Variants in LRP1B observed in about 807,000 individuals in gnomAD.
LRP1B encodes the protein low-density lipoprotein receptor-related protein 1B.
LRP1B carries 217 observed loss-of-function variants against 556.6 expected under a neutral mutation model. That is an observed-to-expected ratio of 0.39 (90% CI 0.35 to 0.44). LRP1B has a LOEUF of 0.44. Among genes scored for constraint, LRP1B ranks in the 20% least tolerant of loss-of-function variants. LRP1B has a pLI of 1.00. For synonymous variants in LRP1B, 2,047 were observed against 1,865.8 expected, an observed-to-expected ratio of 1.10 and a Z score of -2.50; for missense variants, 5,053 against 5,620.8, an observed-to-expected ratio of 0.90 and a Z score of 3.23.
chr2:141,463,985 C>T (rs1559084384), intron 3 of LRP1B, among the ~76,000 whole-genome samples: 1 of 151,576 alleles, frequency 6.6e-6, no homozygotes, highest in Non-Finnish European at 1.5e-5. Context: ...GCAGATATTG[C>T]TAACGGCAGT....
chr2:141,937,404 A>T lies in LRP1B; in HGVS notation c.83-127003T>A, dbSNP rs1436216595. Among the ~76,000 whole-genome samples, 3 of 150,914 alleles carry T rather than the reference A, an allele frequency of 2.0e-5. No individual in the cohort carries two copies. In the East Asian group the frequency reaches 5.8e-4, roughly 29 times the overall value. ...CATCTCAAAAAATAATAATAATAAT[A>T]AAATAAAAAATAAAAATATAACATG... is the stretch of plus-strand genomic sequence containing the variant. On this transcript the variant is annotated intron_variant, in intron 1 of 90. Coordinates refer to ENST00000389484, the MANE Select transcript of LRP1B (RefSeq NM_018557.3).
At chr2:140,802,284 A>G (rs1690542278) in intron 32 of LRP1B, among the ~76,000 whole-genome samples, 1 of 152,306 alleles carries the variant, frequency 6.6e-6, no homozygotes, top group Middle Eastern at 3.4e-3. Flanking sequence ...CAAGGATGAT[A>G]AATATCTTAC....
At chr2:142,065,166 A>G (rs371921001) in intron 1 of LRP1B, among the ~76,000 whole-genome samples, 1 of 151,554 alleles carries the variant, frequency 6.6e-6, no homozygotes, top group Non-Finnish European at 1.5e-5. Context: ...GTATCGAATT[A>G]GTTTCTTACC....
At chr2:140,505,103 T>C (rs991781798) in intron 53 of LRP1B, among the ~76,000 whole-genome samples, 2 of 152,232 alleles carry the variant, frequency 1.3e-5, no homozygotes, top group Non-Finnish European at 2.9e-5. Flanking sequence ...CTCGACCATC[T>C]CAATTTACAG....
intron 2 of LRP1B, among the ~76,000 whole-genome samples, chr2:141,486,368 T>C (rs550545695): frequency 6.6e-6 from 1 of 152,304 alleles, no homozygotes; most frequent in Non-Finnish European, 1.5e-5. Flanking sequence ...TCTGAATGTT[T>C]AAATTATTTT....
chr2:141,236,899 G>T (rs1165326892), intron 5 of LRP1B, among the ~76,000 whole-genome samples: 1 of 152,064 alleles, frequency 6.6e-6, no homozygotes, highest in Non-Finnish European at 1.5e-5. Flanking sequence ...CCTCTTCTAT[G>T]GTCCTCCAAA....
At position 140,813,832 on chromosome 2, in the gene LRP1B, C is replaced by T. The variant is rs185831254; in HGVS notation, c.5210-26G>A. Reference sequence around the variant, plus strand: ...CTGTAATTAAATTTTACAACTTAAACATAATGATAGCCACTTAAATTGTAA... The same window carrying T: ...CTGTAATTAAATTTTACAACTTAAATATAATGATAGCCACTTAAATTGTAA... On this transcript the variant is annotated intron_variant, in intron 31 of 90. Coordinates refer to ENST00000389484, the MANE Select transcript of LRP1B (RefSeq NM_018557.3). 3.8e-3 allele frequency: 5,897 copies of T among 1,543,412 alleles called. 15 individuals carry two copies. The highest frequency in any genetic ancestry group is 4.7e-3 in the Non-Finnish European group (5,342 of 1,125,126).
At chr2:141,174,548 T>A (rs887634284) in intron 7 of LRP1B, among the ~76,000 whole-genome samples, 1 of 152,126 alleles carries the variant, frequency 6.6e-6, no homozygotes, top group African/African-American at 2.4e-5. Context: ...AGGTTCTTGC[T>A]TTCTCTTCAC....
At chr2:140,659,368 A>G (rs564008583) in intron 41 of LRP1B, among the ~76,000 whole-genome samples, 18 of 151,894 alleles carry the variant, frequency 1.2e-4, no homozygotes, top group Non-Finnish European at 2.5e-4. Context: ...TATTTTCAGC[A>G]TGGTTTTATT....
chr2:141,927,332 CTGTT>C (rs1195029802), intron 1 of LRP1B, among the ~76,000 whole-genome samples: 3 of 152,048 alleles, frequency 2.0e-5, no homozygotes, highest in Admixed American at 2.0e-4. Context: ...TGTCCTCTAC[CTGTT>C]TGTCTAAATT....
chr2:141,775,558 C>T (rs1695036603), intron 2 of LRP1B, among the ~76,000 whole-genome samples: 1 of 152,122 alleles, frequency 6.6e-6, no homozygotes, highest in Non-Finnish European at 1.5e-5. Flanking sequence ...TACCAGCTAA[C>T]ACAGAAATCA....
At chr2:141,972,437 A>G (rs1701769225) in intron 1 of LRP1B, among the ~76,000 whole-genome samples, 2 of 151,618 alleles carry the variant, frequency 1.3e-5, no homozygotes, top group Non-Finnish European at 3.0e-5. Context: ...AGCAACATCT[A>G]TTACTGAAGT....
chr2:140,968,005 T>TG lies in LRP1B; in HGVS notation c.2887+14154_2887+14155insC, dbSNP rs1696285231. Among the ~76,000 whole-genome samples the TG allele has an allele frequency of 6.0e-5, 2 of 33,506 alleles. 1 individual carries two copies. The highest frequency in any genetic ancestry group is 1.6e-4 in the Non-Finnish European group (2 of 12,592). 22.0% of individuals were successfully genotyped at this position (33,506 alleles called of 152,430 possible). A position where few individuals can be genotyped will look rare whatever the true frequency, so the allele number is the denominator to read the frequency against. ...AAGGATATTGGTCTAAAATTCTCTTTTTTTGCCAGGCTTTGGTATCAAGAT... is the reference window on the plus strand; with the variant it reads ...AAGGATATTGGTCTAAAATTCTCTTTGTTTTGCCAGGCTTTGGTATCAAGAT... On this transcript the variant is annotated intron_variant, in intron 18 of 90. Coordinates refer to ENST00000389484, the MANE Select transcript of LRP1B (RefSeq NM_018557.3).
Position 141,354,368 on chromosome 2 carries a change from T to G in LRP1B, c.344-99727A>C, listed in dbSNP as rs1238534357. On this transcript the variant is annotated intron_variant, in intron 3 of 90. Coordinates refer to ENST00000389484, the MANE Select transcript of LRP1B (RefSeq NM_018557.3). ...TCACATAATTCAGACAATACATAAA[T>G]AAGTGTACTGCCCAAACCTATATCC... Among the ~76,000 whole-genome samples the G allele has an allele frequency of 2.0e-5, 3 of 151,994 alleles. No homozygotes were observed. In the East Asian group the frequency reaches 5.8e-4, roughly 29 times the overall value.
intron 2 of LRP1B, among the ~76,000 whole-genome samples, chr2:141,512,691 T>C (rs1475912628): frequency 1.3e-5 from 2 of 152,134 alleles, no homozygotes; most frequent in Non-Finnish European, 2.9e-5. Context: ...ATACACTTGA[T>C]AATACACCTG....
chr2:140,695,040 A>G (rs1686379026), intron 41 of LRP1B, among the ~76,000 whole-genome samples: 1 of 150,114 alleles, frequency 6.7e-6, no homozygotes, highest in African/African-American at 2.5e-5. Flanking sequence ...TATTCTTCAG[A>G]TTCTCCTATC....
chr2:140,256,229 C>T (rs996328161), intron 86 of LRP1B, among the ~76,000 whole-genome samples: 4 of 151,828 alleles, frequency 2.6e-5, no homozygotes, highest in Non-Finnish European at 5.9e-5. Context: ...AATCTAGGCT[C>T]CTCTCCTTAC....
chr2:140,845,910 A>C (rs1207360619), intron 29 of LRP1B, among the ~76,000 whole-genome samples: 1 of 152,212 alleles, frequency 6.6e-6, no homozygotes, highest in African/African-American at 2.4e-5. Context: ...AAAGTCCAAC[A>C]CATAAATTAG....
intron 87 of LRP1B, among the ~76,000 whole-genome samples, chr2:140,242,473 A>C (rs1680988688): frequency 6.6e-6 from 1 of 151,182 alleles, no homozygotes; most frequent in Non-Finnish European, 1.5e-5. Flanking sequence ...AATATATCTT[A>C]AGTGCTTGCT....
Sources: allele counts gnomAD v4.1 joint callset (sites outside exome capture counted in the v4.1 genomes callset), GRCh38; gene constraint gnomAD v4.1.1; transcripts MANE v1.5; gene names NCBI Gene and HGNC (gene_info 2026-07-23, HGNC 2026-07-21).